FMN1: variants seen among roughly 807,000 people sequenced by gnomAD.
The protein encoded by FMN1 is formin 1.
Under a neutral mutation model 132.4 loss-of-function variants are expected in FMN1, and 110 were observed. The observed-to-expected ratio is 0.83, with a 90% CI of 0.71 to 0.97. The LOEUF (loss-of-function observed/expected upper bound fraction) is 0.97. Among genes scored for constraint, FMN1 ranks in the 50% least tolerant of loss-of-function variants. The pLI, the probability that FMN1 is intolerant of heterozygous loss-of-function variation, is 0.00. For synonymous variants in FMN1, 722 were observed against 651.7 expected (o/e 1.11, Z -1.64); for missense variants, 1,792 against 1,705.3 (o/e 1.05, Z -0.90).
intron 6 of FMN1, among the ~76,000 whole-genome samples, chr15:33,010,136 G>A (rs1003509149): frequency 4.6e-5 from 7 of 152,042 alleles, no homozygotes; most frequent in Admixed American, 2.0e-4. Context: ...CACCCCCCTC[G>A]GCTTCTCAAA....
chr15:33,023,984 T>C (rs1425645711), intron 6 of FMN1, among the ~76,000 whole-genome samples: 1 of 151,930 alleles, frequency 6.6e-6, no homozygotes, highest in Non-Finnish European at 1.5e-5. Flanking sequence ...GCCACATAAA[T>C]GGAGAAGACA....
chr15:32,872,463 C>A (rs1457895427), intron 16 of FMN1, among the ~76,000 whole-genome samples: 1 of 152,236 alleles, frequency 6.6e-6, no homozygotes, highest in Admixed American at 6.5e-5. Flanking sequence ...CTGCTCTAAT[C>A]AGGAAAATAG....
In FMN1 at chr15:33,154,746, A is replaced by C. The variant is rs1399078; in HGVS notation, c.169T>G (p.Ser57Ala). The change falls in exon 4 of 21, where the codon TCA (serine) becomes GCA (alanine). Residue 57 changes from serine (S) to alanine (A), a missense_variant. Physicochemically the swap from Ser to Ala is moderately conservative, Grantham distance 99. Coordinates refer to ENST00000616417, the MANE Select transcript of FMN1 (RefSeq NM_001277313.2). ...TCCTGGCTGAGGCTGATGATGTCTG[A>C]CTCCTCCCTGACTTGGTAGCAGTTA... is the stretch of plus-strand genomic sequence containing the variant. ...FHNCYQVREE[S>A]DIISLSQEPD... 369,977 of 1,534,854 alleles carry C rather than the reference A, an allele frequency of 0.24. 48,731 individuals are homozygous for C. Among genetic ancestry groups the C allele is most frequent in the Non-Finnish European group, 0.28 (315,686 of 1,146,506 alleles).
chr15:33,159,044 TG>T (rs1462003097), intron 3 of FMN1, among the ~76,000 whole-genome samples: 1 of 152,124 alleles, frequency 6.6e-6, no homozygotes, highest in Admixed American at 6.5e-5. Context: ...TAGACAGGCA[TG>T]GTGGCACATG....
chr15:32,949,962 T>TACAC lies in FMN1; in HGVS notation c.3138+14144_3138+14145insGTGT, dbSNP rs1188378920. 7.0e-5 allele frequency among the ~76,000 whole-genome samples: 3 copies of TACAC among 42,620 alleles called. 1 individual carries two copies. Among genetic ancestry groups the TACAC allele is most frequent in the Non-Finnish European group, 1.2e-4 (3 of 24,486 alleles). The allele number at this position is 42,620 out of a possible 152,430, so 28.0% of individuals were successfully genotyped here. A position where few individuals can be genotyped will look rare whatever the true frequency, so the allele number is the denominator to read the frequency against. ...AAGCATATATATATATATATATATA[T>TACAC]ATACACACATATATATACACACACA... is the stretch of plus-strand genomic sequence containing the variant. On this transcript the variant is annotated intron_variant, in intron 9 of 20. Coordinates refer to ENST00000616417, the MANE Select transcript of FMN1 (RefSeq NM_001277313.2).
intron 6 of FMN1, among the ~76,000 whole-genome samples, chr15:33,043,704 G>A (rs1331942397): frequency 6.6e-6 from 1 of 152,248 alleles, no homozygotes; most frequent in African/African-American, 2.4e-5. Context: ...CTGCCATGAT[G>A]CTGGCTGCAG....
intron 6 of FMN1, among the ~76,000 whole-genome samples, chr15:33,047,128 G>A (rs1278452184): frequency 6.6e-6 from 1 of 152,188 alleles, no homozygotes; most frequent in African/African-American, 2.4e-5. Context: ...TCTGGCTTAG[G>A]AAATGAGTAC....
At chr15:33,142,053 T>C (rs1297747259) in intron 4 of FMN1, among the ~76,000 whole-genome samples, 3 of 152,194 alleles carry the variant, frequency 2.0e-5, no homozygotes, top group Non-Finnish European at 4.4e-5. Flanking sequence ...TCAGATATGT[T>C]TCCATTCTGG....
chr15:32,883,639 C>G (rs1256107039), intron 16 of FMN1, among the ~76,000 whole-genome samples: 3 of 151,066 alleles, frequency 2.0e-5, no homozygotes, highest in African/African-American at 7.3e-5. Flanking sequence ...CTCCTGCAGG[C>G]AGGACCCAGT....
In FMN1 at chr15:32,774,065, C is replaced by A; in HGVS notation, c.*245G>T. On this transcript the variant is annotated 3_prime_UTR_variant, in exon 21 of 21. Transcript: ENST00000616417. ...TCTTAGAGTGGACTTTGGGCTTCCACAAGAAACAGTCATCAAATATTTCTG... is the reference window on the plus strand; with the variant it reads ...TCTTAGAGTGGACTTTGGGCTTCCAAAAGAAACAGTCATCAAATATTTCTG... The A allele has an allele frequency of 2.0e-6, 1 of 501,058 alleles. No individual in the cohort carries two copies. Among genetic ancestry groups the A allele is most frequent in the Non-Finnish European group, 3.5e-6 (1 of 288,362 alleles). 31.0% of individuals were successfully genotyped at this position (501,058 alleles called of 1,614,324 possible).
chr15:32,969,367 T>C lies in FMN1; in HGVS notation c.2334A>G (p.Arg778=). 6.2e-7 allele frequency: 1 copy of C among 1,613,992 alleles called. No homozygotes were observed. Among genetic ancestry groups the C allele is most frequent in the Admixed American group, 1.7e-5 (1 of 60,026 alleles). ...CATCTTTCCTCTCTTCACAACCCCC[T>C]CGCCATCTGTGTTCTAGCTCGTGTT... ...NLKHELEHRW[R]GGCEERKDVC... Residue 778 remains arginine, a synonymous_variant, in exon 8 of 21, where the codon CGA becomes CGG. Coordinates refer to ENST00000616417, the MANE Select transcript of FMN1 (RefSeq NM_001277313.2).
At chr15:33,001,362 A>G (rs2034096032) in intron 7 of FMN1, among the ~76,000 whole-genome samples, 1 of 152,204 alleles carries the variant, frequency 6.6e-6, no homozygotes, top group African/African-American at 2.4e-5. Context: ...TGATTATTTA[A>G]ATGAATCAAT....
chr15:33,121,513 G>T (rs1962553525), intron 4 of FMN1, among the ~76,000 whole-genome samples: 1 of 152,110 alleles, frequency 6.6e-6, no homozygotes, highest in African/African-American at 2.4e-5. Context: ...AAAGTACATA[G>T]TTGACAAGTT....
intron 6 of FMN1, among the ~76,000 whole-genome samples, chr15:33,039,465 T>C (rs2036329637): frequency 6.6e-6 from 1 of 152,210 alleles, no homozygotes; most frequent in Admixed American, 6.5e-5. Flanking sequence ...AAACTTATTT[T>C]TTATGTAAAT....
At chr15:32,862,541 A>G in intron 16 of FMN1, among the ~76,000 whole-genome samples, 1 of 152,174 alleles carries the variant, frequency 6.6e-6, no homozygotes, top group East Asian at 1.9e-4. Flanking sequence ...GGCCTAGACT[A>G]TTTTAATATT....
Position 33,018,040 on chromosome 15 carries a change from G to A in FMN1, c.2162-9965C>T, listed in dbSNP as rs145816265. On this transcript the variant is annotated intron_variant, in intron 6 of 20. Transcript: ENST00000616417. The stretch of plus-strand genomic sequence containing the variant: ...AGATCACACCACTGCACTCCAGCCT[G>A]GGCAACAGAGCGACACTACCTCTCA... 1.0e-3 allele frequency among the ~76,000 whole-genome samples: 157 copies of A among 150,046 alleles called. 1 individual carries two copies. In the East Asian group the frequency reaches 0.021, roughly 20 times the overall value.
chr15:33,019,221 G>A (rs951270225), intron 6 of FMN1, among the ~76,000 whole-genome samples: 1 of 152,076 alleles, frequency 6.6e-6, no homozygotes, highest in Non-Finnish European at 1.5e-5. Context: ...AGACACAAAA[G>A]TTCTCCACCT....
At chr15:32,823,939 G>A (rs1457592867) in intron 17 of FMN1, among the ~76,000 whole-genome samples, 1 of 152,228 alleles carries the variant, frequency 6.6e-6, no homozygotes, top group African/African-American at 2.4e-5. Flanking sequence ...TGCAAACATA[G>A]GGAAGACCAC....
chr15:33,165,045 A>C (rs1965041840), intron 3 of FMN1, among the ~76,000 whole-genome samples: 1 of 152,158 alleles, frequency 6.6e-6, no homozygotes, highest in Non-Finnish European at 1.5e-5. Flanking sequence ...CTATCTAACT[A>C]TGTTTTTGTA....
Sources: gnomAD v4.1 joint callset for allele counts (sites outside exome capture counted in the v4.1 genomes callset) on GRCh38, gnomAD v4.1.1 for gene constraint, MANE v1.5 for transcripts, NCBI Gene and HGNC (gene_info 2026-07-23, HGNC 2026-07-21) for gene names.